Variants in ZNF254 observed in about 807,000 individuals in gnomAD.
ZNF254 encodes the protein CTD-2017D11.1.
ZNF254 carries 10 observed loss-of-function variants against 12.4 expected under a neutral mutation model. That is an observed-to-expected ratio of 0.80 (90% CI 0.50 to 1.36). ZNF254 has a LOEUF of 1.36. ZNF254 is among the 40% of genes most tolerant of loss of function. The probability of loss-of-function intolerance (pLI) is 0.00; values close to 1 mark genes in which losing one functional copy is unlikely to be tolerated. For missense variants in ZNF254, 996 were observed against 763.9 expected (o/e 1.30, Z -3.58); for synonymous variants, 305 against 253.4 (o/e 1.20, Z -1.93).
At chr19:24,056,352 C>G (rs945520896) in intron 2 of ZNF254, among the ~76,000 whole-genome samples, 2 of 152,170 alleles carry the variant, frequency 1.3e-5, no homozygotes, top group Admixed American at 6.5e-5. Context: ...GGTGTTATGA[C>G]TCTCTTCTCC....
Position 24,048,038 on chromosome 19 carries a change from G to A in ZNF254, c.-94+1759G>A, listed in dbSNP as rs147247294. ...TTTTTTTTTTTTTTGCGTTAGTCTC[G>A]CTCTGTCACCCAGAGGTAGGTGGGA... is the stretch of plus-strand genomic sequence containing the variant. On this transcript the variant is annotated intron_variant, in intron 2 of 4. Coordinates refer to the ZNF254 transcript ENST00000613065. Among the ~76,000 whole-genome samples the A allele has an allele frequency of 3.0e-3, 269 of 90,768 alleles. 1 individual carries two copies. The East Asian group carries it at 0.059, about 20-fold the overall frequency. The allele number at this position is 90,768 out of a possible 152,430, so 59.5% of individuals were successfully genotyped here. A position where few individuals can be genotyped will look rare whatever the true frequency, so the allele number is the denominator to read the frequency against.
At chr19:24,073,123 T>C (rs1038160749) in intron 2 of ZNF254, among the ~76,000 whole-genome samples, 16 of 152,342 alleles carry the variant, frequency 1.1e-4, no homozygotes, top group African/African-American at 3.8e-4. Flanking sequence ...GAGAGTGTCA[T>C]CACAAGACCA....
At chr19:24,097,176 C>T (rs1972721530) in intron 1 of ZNF254, among the ~76,000 whole-genome samples, 1 of 152,116 alleles carries the variant, frequency 6.6e-6, no homozygotes, top group Non-Finnish European at 1.5e-5. Flanking sequence ...AGATTAATTG[C>T]TCTTTTTTTG....
chr19:24,054,012 T>A (rs1282759912), intron 2 of ZNF254, among the ~76,000 whole-genome samples: 2 of 152,122 alleles, frequency 1.3e-5, no homozygotes, highest in Non-Finnish European at 2.9e-5. Context: ...ACCTAAAAGG[T>A]GACACTTCTT....
intron 3 of ZNF254, among the ~76,000 whole-genome samples, chr19:24,108,452 T>C (rs531574939): frequency 4.6e-5 from 7 of 152,318 alleles, no homozygotes; most frequent in Admixed American, 4.6e-4. Context: ...TCTTGGGCTT[T>C]AGCAGAGTTT....
rs185050613 is a variant in ZNF254, at chr19:24,090,132, A to G, written c.30+2795A>G. ...AGAATCAGTTGAACCTCAGAGGCGG[A>G]GGTTGCAGTGAGTGGATATCACGCC... is the stretch of plus-strand genomic sequence containing the variant. On this transcript the variant is annotated intron_variant, in intron 1 of 3. Coordinates refer to ENST00000357002, the MANE Select transcript of ZNF254 (RefSeq NM_203282.4). Among the ~76,000 whole-genome samples, 327 of 151,918 alleles carry G rather than the reference A, an allele frequency of 2.2e-3. 1 individual carries two copies. Among genetic ancestry groups the G allele is most frequent in the African/African-American group, 7.4e-3 (305 of 41,422 alleles).
chr19:24,102,515 T>G (rs1373988495), intron 1 of ZNF254, among the ~76,000 whole-genome samples: 1 of 152,074 alleles, frequency 6.6e-6, no homozygotes, highest in Non-Finnish European at 1.5e-5. Flanking sequence ...AGATTCACCC[T>G]TTTTGAAGGC....
chr19:24,046,371 T>TATATATATATATATATATA (rs1970381916), intron 2 of ZNF254: 2 of 51,396 alleles, frequency 3.9e-5, no homozygotes, highest in African/African-American at 1.6e-4. Flanking sequence ...TTTTATTATT[T>TATATATATATATATATATA]TTTATATATA....
At chr19:24,043,158 A>T (rs1970241483) in intron 1 of ZNF254, among the ~76,000 whole-genome samples, 1 of 152,164 alleles carries the variant, frequency 6.6e-6, no homozygotes, top group South Asian at 2.1e-4. Context: ...TTTTACAAGC[A>T]TACATTTCAT....
At chr19:24,070,870 A>T (rs1971455025) in intron 2 of ZNF254, among the ~76,000 whole-genome samples, 1 of 152,108 alleles carries the variant, frequency 6.6e-6, no homozygotes, top group African/African-American at 2.4e-5. Context: ...GCACCCAGGT[A>T]ATTTGTTTGT....
chr19:24,119,629 C>G (rs940573582), intron 3 of ZNF254, among the ~76,000 whole-genome samples: 2 of 152,006 alleles, frequency 1.3e-5, no homozygotes, highest in African/African-American at 4.8e-5. Context: ...AGCTGGGTTA[C>G]AAGTGTGTAG....
At chr19:24,068,742 C>A (rs1480541301) in intron 2 of ZNF254, among the ~76,000 whole-genome samples, 1 of 152,192 alleles carries the variant, frequency 6.6e-6, no homozygotes, top group Admixed American at 6.5e-5. Context: ...TGATGTCACT[C>A]TTCTGCTCAC....
chr19:24,106,843 C>T, intron 3 of ZNF254, 200 bp downstream of exon 3: 1 of 436,164 alleles, frequency 2.3e-6, no homozygotes, highest in Non-Finnish European at 4.1e-6. Flanking sequence ...ACTTTCCCTT[C>T]AATGATCTTC....
At chr19:24,045,352 C>G (rs1970337743) in intron 1 of ZNF254, among the ~76,000 whole-genome samples, 1 of 152,034 alleles carries the variant, frequency 6.6e-6, no homozygotes, top group South Asian at 2.1e-4. Context: ...CTAGGCTCCC[C>G]CCTCCCCTTG....
At chr19:24,038,058 A>G (rs1568420025) in intron 1 of ZNF254, among the ~76,000 whole-genome samples, 2 of 152,230 alleles carry the variant, frequency 1.3e-5, no homozygotes, top group African/African-American at 2.4e-5. Flanking sequence ...GAAAACTTTT[A>G]TATAATTCTT....
At chr19:24,063,948 G>A (rs1971175053) in intron 2 of ZNF254, 1 of 152,120 alleles carries the variant, frequency 6.6e-6, no homozygotes, top group Non-Finnish European at 1.5e-5. Flanking sequence ...TGAGGTAAAT[G>A]CCCGTTTTAC....
In ZNF254 at chr19:24,106,377, G is replaced by C. The variant is rs138369263; in HGVS notation, c.158-171G>C. ...CAGTAGTACCAGGCAGTGAAATTAA[G>C]AACCTAAAAAATTAAAATATTTCCT... On this transcript the variant is annotated intron_variant, in intron 2 of 3. Coordinates refer to ENST00000357002, the MANE Select transcript of ZNF254 (RefSeq NM_203282.4). The C allele has an allele frequency of 6.0e-3, 3,293 of 552,430 alleles. 92 individuals are homozygous for C. The highest frequency in any genetic ancestry group is 0.058 in the African/African-American group (2,935 of 50,332). 34.2% of individuals were successfully genotyped at this position (552,430 alleles called of 1,614,324 possible). A position where few individuals can be genotyped will look rare whatever the true frequency, so the allele number is the denominator to read the frequency against.
At chr19:24,055,955 T>G (rs879809584) in intron 2 of ZNF254, among the ~76,000 whole-genome samples, 2 of 152,184 alleles carry the variant, frequency 1.3e-5, no homozygotes, top group Admixed American at 1.3e-4. Context: ...TCCCACAGGT[T>G]TAATTGTAAC....
intron 2 of ZNF254, among the ~76,000 whole-genome samples, chr19:24,053,405 C>CT (rs1260883269): frequency 6.6e-6 from 1 of 152,100 alleles, no homozygotes; most frequent in Non-Finnish European, 1.5e-5. Flanking sequence ...TGACATACAC[C>CT]TTTTTTAAGC....
Sources: allele counts gnomAD v4.1 joint callset (sites outside exome capture counted in the v4.1 genomes callset), GRCh38; gene constraint gnomAD v4.1.1; transcripts MANE v1.5; gene names NCBI Gene and HGNC (gene_info 2026-07-23, HGNC 2026-07-21).